Variants in SLC24A2 observed in about 807,000 individuals in gnomAD.
SLC24A2 encodes solute carrier family 24 member 2, also known as sodium/potassium/calcium exchanger 2.
A neutral mutation model predicts 62.0 loss-of-function variants in SLC24A2; 36 were observed. The ratio of observed to expected loss-of-function variants is 0.58; its 90% CI spans 0.44 to 0.77. SLC24A2 has a LOEUF of 0.77. Ranked by LOEUF, SLC24A2 falls within the 30% of genes least tolerant of loss-of-function variation. The pLI, the probability that SLC24A2 is intolerant of heterozygous loss-of-function variation, is 0.00. For missense variants in SLC24A2, 846 were observed against 817.9 expected, an observed-to-expected ratio of 1.03 and a Z score of -0.42; for synonymous variants, 358 against 294.0, an observed-to-expected ratio of 1.22 and a Z score of -2.23.
intron 2 of SLC24A2, among the ~76,000 whole-genome samples, chr9:19,714,138 A>G (rs1820791628): frequency 6.6e-6 from 1 of 152,248 alleles, no homozygotes; most frequent in African/African-American, 2.4e-5. Flanking sequence ...AAGTCTTTCT[A>G]CAACAACACA....
intron 2 of SLC24A2, among the ~76,000 whole-genome samples, chr9:19,715,300 G>A (rs1302393545): frequency 6.6e-6 from 1 of 152,118 alleles, no homozygotes; most frequent in Non-Finnish European, 1.5e-5. Flanking sequence ...AAATATCTCA[G>A]TTGATACACT....
the SLC24A2 span, among the ~76,000 whole-genome samples, chr9:20,214,545 G>C: frequency 6.6e-6 from 1 of 151,940 alleles, no homozygotes; most frequent in African/African-American, 2.4e-5. Flanking sequence ...GACCCAGGAG[G>C]CACAGCTTGC....
chr9:19,559,733 G>C (rs1835297707), intron 7 of SLC24A2, among the ~76,000 whole-genome samples: 2 of 152,128 alleles, frequency 1.3e-5, no homozygotes, highest in Non-Finnish European at 2.9e-5. Context: ...ATTTCACAAA[G>C]GAAATACCTA....
chr9:20,110,331 T>TTG, the SLC24A2 span, among the ~76,000 whole-genome samples: 15 of 152,266 alleles, frequency 9.9e-5, no homozygotes, highest in Middle Eastern at 3.4e-3. Context: ...GTTGACCCAA[T>TTG]TGTGTTAGGA....
chr9:20,045,719 C>G, the SLC24A2 span, among the ~76,000 whole-genome samples: 1 of 152,154 alleles, frequency 6.6e-6, no homozygotes, highest in Non-Finnish European at 1.5e-5. Flanking sequence ...GGGTGAGCCA[C>G]TGCACTGGGC....
intron 2 of SLC24A2, among the ~76,000 whole-genome samples, chr9:19,641,311 A>C (rs1453517805): frequency 6.6e-6 from 1 of 152,204 alleles, no homozygotes; most frequent in African/African-American, 2.4e-5. Flanking sequence ...TCTAGTTCTG[A>C]ATTTGTCTCC....
At chr9:19,650,974 G>T (rs78278241) in intron 2 of SLC24A2, among the ~76,000 whole-genome samples, 1 of 151,916 alleles carries the variant, frequency 6.6e-6, no homozygotes, top group South Asian at 2.1e-4. Context: ...ATAGTTAAGT[G>T]GTCAACTTGT....
the SLC24A2 span, among the ~76,000 whole-genome samples, chr9:20,038,079 T>C: frequency 6.6e-6 from 1 of 152,226 alleles, no homozygotes; most frequent in African/African-American, 2.4e-5. Context: ...TTCAGCTCTT[T>C]GGGGTCATCT....
At chr9:20,190,967 C>T in the SLC24A2 span, among the ~76,000 whole-genome samples, 1 of 152,276 alleles carries the variant, frequency 6.6e-6, no homozygotes, top group South Asian at 2.1e-4. Context: ...TTTTTCCATG[C>T]TCTTCTCAAG....
At chr9:20,198,732 C>T in the SLC24A2 span, among the ~76,000 whole-genome samples, 1 of 151,918 alleles carries the variant, frequency 6.6e-6, no homozygotes, top group Non-Finnish European at 1.5e-5. Context: ...CCCGAGGTGC[C>T]AATACCTAGA....
chr9:20,163,747 G>A, the SLC24A2 span, among the ~76,000 whole-genome samples: 1 of 152,282 alleles, frequency 6.6e-6, no homozygotes, highest in South Asian at 2.1e-4. Flanking sequence ...CAAGGCTACA[G>A]TAACCAAAAC....
the SLC24A2 span, among the ~76,000 whole-genome samples, chr9:19,887,094 G>A: frequency 2.2e-4 from 33 of 152,274 alleles, no homozygotes; most frequent in East Asian, 2.9e-3. Flanking sequence ...TAGCTGATGC[G>A]TGCTGCGCTT....
In SLC24A2 at chr9:19,516,357, C is replaced by A. The variant is rs1832927030; in HGVS notation, c.1782G>T (p.Gln594His). 1 of 1,613,990 alleles carries A rather than the reference C, an allele frequency of 6.2e-7. No homozygotes were observed. Among genetic ancestry groups the A allele is most frequent in the Admixed American group, 1.7e-5 (1 of 60,004 alleles). ...WLLYTVIHRFQPVAVSSNGLF... is the reference protein window; with the variant it reads ...WLLYTVIHRFHPVAVSSNGLF... ...GGCCATTGCTGCTGACAGCCACTGG[C>A]TGGAATCTGTGAATGACGGTGTACA... Residue 594 changes from glutamine (Q) to histidine (H), a missense_variant, in exon 11 of 11, where the codon CAG becomes CAT. Coordinates refer to ENST00000341998, the MANE Select transcript of SLC24A2 (RefSeq NM_020344.4).
chr9:19,751,416 TAA>T (rs1431907761), intron 2 of SLC24A2, among the ~76,000 whole-genome samples: 19 of 152,144 alleles, frequency 1.2e-4, no homozygotes, highest in Admixed American at 1.2e-3. Context: ...TTTCAAAATT[TAA>T]AAGTCTTGAG....
At chr9:19,853,355 G>C in the SLC24A2 span, among the ~76,000 whole-genome samples, 1 of 152,170 alleles carries the variant, frequency 6.6e-6, no homozygotes, top group South Asian at 2.1e-4. Context: ...TTGAATAGGA[G>C]TGGTGAGACA....
chr9:20,111,118 C>T, the SLC24A2 span, among the ~76,000 whole-genome samples: 1 of 152,186 alleles, frequency 6.6e-6, no homozygotes, highest in Non-Finnish European at 1.5e-5. Context: ...GCTAGTAGCC[C>T]TGGGAAGCTG....
chr9:20,261,219 A>G, the SLC24A2 span, among the ~76,000 whole-genome samples: 1 of 152,160 alleles, frequency 6.6e-6, no homozygotes, highest in Non-Finnish European at 1.5e-5. Context: ...GACTGAGAAC[A>G]TACAATGTCT....
the SLC24A2 span, among the ~76,000 whole-genome samples, chr9:20,029,045 C>T: frequency 1.3e-5 from 2 of 152,228 alleles, no homozygotes; most frequent in African/African-American, 4.8e-5. Context: ...AGACTACACA[C>T]ACCCTCCATC....
the SLC24A2 span, among the ~76,000 whole-genome samples, chr9:19,924,518 T>G: frequency 6.6e-6 from 1 of 152,150 alleles, no homozygotes; most frequent in Non-Finnish European, 1.5e-5. Context: ...TGTCCATCAG[T>G]GGGATCAGTG....
Sources: gnomAD v4.1 joint callset for allele counts (sites outside exome capture counted in the v4.1 genomes callset) on GRCh38, gnomAD v4.1.1 for gene constraint, MANE v1.5 for transcripts, NCBI Gene and HGNC (gene_info 2026-07-23, HGNC 2026-07-21) for gene names.